Variants in TDRD3 observed in about 807,000 individuals in gnomAD.
TDRD3 encodes tudor domain-containing protein 3.
Under a neutral mutation model 86.7 loss-of-function variants are expected in TDRD3, and 45 were observed. The observed-to-expected ratio is 0.52, with a 90% CI of 0.41 to 0.67. The LOEUF is 0.67. Among genes scored for constraint, TDRD3 ranks in the 30% least tolerant of loss-of-function variants. The probability of loss-of-function intolerance (pLI) is 0.00; values close to 1 mark genes in which losing one functional copy is unlikely to be tolerated. For missense variants in TDRD3, 814 were observed against 889.0 expected (o/e 0.92, Z 1.07); for synonymous variants, 298 against 301.7 (o/e 0.99, Z 0.13).
chr13:60,471,039 G>A (rs1157444857), intron 5 of TDRD3, among the ~76,000 whole-genome samples: 2 of 152,090 alleles, frequency 1.3e-5, no homozygotes, highest in Non-Finnish European at 2.9e-5. Flanking sequence ...GTTATTGTAT[G>A]AGTTATGTAT....
intron 1 of TDRD3, among the ~76,000 whole-genome samples, chr13:60,420,087 AAGAT>A (rs1954617721): frequency 6.6e-6 from 1 of 152,080 alleles, no homozygotes; most frequent in Non-Finnish European, 1.5e-5. Context: ...ATAGACTTAG[AAGAT>A]AGATATCATT....
chr13:60,569,452 A>G (rs1206161308), intron 13 of TDRD3, among the ~76,000 whole-genome samples: 1 of 152,242 alleles, frequency 6.6e-6, no homozygotes, highest in Non-Finnish European at 1.5e-5. Context: ...AAGATACTCC[A>G]TGTTCATGGA....
intron 3 of TDRD3, among the ~76,000 whole-genome samples, chr13:60,450,884 G>C (rs1394100462): frequency 6.6e-6 from 1 of 152,132 alleles, no homozygotes; most frequent in African/African-American, 2.4e-5. Flanking sequence ...GATTTTCAAT[G>C]AAGGAATAGT....
At chr13:60,522,574 C>T (rs1193353265) in intron 10 of TDRD3, among the ~76,000 whole-genome samples, 1 of 152,164 alleles carries the variant, frequency 6.6e-6, no homozygotes, top group Non-Finnish European at 1.5e-5. Flanking sequence ...AAATATTTCA[C>T]CTAAGGTTAC....
intron 5 of TDRD3, among the ~76,000 whole-genome samples, chr13:60,481,549 T>C (rs1238567416): frequency 6.6e-6 from 1 of 152,066 alleles, no homozygotes; most frequent in Non-Finnish European, 1.5e-5. Flanking sequence ...GCCCATCCAA[T>C]GAGTTTTCAT....
intron 8 of TDRD3, among the ~76,000 whole-genome samples, chr13:60,497,874 A>G (rs1956751180): frequency 1.3e-5 from 2 of 152,104 alleles, no homozygotes; most frequent in Non-Finnish European, 2.9e-5. Flanking sequence ...ATGGGAATGT[A>G]TATTAAGGGT....
At chr13:60,477,399 G>C (rs971305995) in intron 5 of TDRD3, among the ~76,000 whole-genome samples, 2 of 151,914 alleles carry the variant, frequency 1.3e-5, no homozygotes, top group Non-Finnish European at 2.9e-5. Flanking sequence ...ATTTTTTATA[G>C]AGATGAGGTC....
At position 60,526,502 on chromosome 13, in the gene TDRD3, G is replaced by A. The variant is rs143752990; in HGVS notation, c.1142-1865G>A. Among the ~76,000 whole-genome samples the A allele has an allele frequency of 5.0e-3, 757 of 152,118 alleles. 3 individuals are homozygous for A. The highest frequency in any genetic ancestry group is 0.024 in the Middle Eastern group (7 of 292). On this transcript the variant is annotated intron_variant, in intron 10 of 13. Coordinates refer to ENST00000377881, the MANE Select transcript of TDRD3 (RefSeq NM_001146070.2). ...TACTCCTGGGCAGTAAACAATGCCA[G>A]CAGAAACTAAAAGTGACCATTTTTC...
At chr13:60,555,891 C>G (rs1958173204) in intron 12 of TDRD3, among the ~76,000 whole-genome samples, 1 of 147,898 alleles carries the variant, frequency 6.8e-6, no homozygotes, top group South Asian at 2.1e-4. Context: ...CGCTCTGTCG[C>G]CCAGGCTGGA....
chr13:60,448,353 C>T (rs1955456064), intron 3 of TDRD3, among the ~76,000 whole-genome samples: 1 of 152,114 alleles, frequency 6.6e-6, no homozygotes, highest in Admixed American at 6.6e-5. Context: ...TTGCTACTAT[C>T]ATTGATTATT....
chr13:60,518,866 C>A (rs2137711879), intron 10 of TDRD3, among the ~76,000 whole-genome samples: 1 of 152,182 alleles, frequency 6.6e-6, no homozygotes, highest in African/African-American at 2.4e-5. Context: ...TTCCTTTTAG[C>A]CCACAGTTTT....
At chr13:60,567,890 A>ATTTTTTT (rs58242240) in intron 13 of TDRD3, among the ~76,000 whole-genome samples, 2 of 132,934 alleles carry the variant, frequency 1.5e-5, no homozygotes, top group African/African-American at 2.8e-5. Context: ...TGCCCAGCTG[A>ATTTTTTT]TTTTTTTTTT....
chr13:60,567,513 CT>C lies in TDRD3; in HGVS notation c.2119-9del. On this transcript the variant is annotated splice_polypyrimidine_tract_variant and intron_variant, in intron 12 of 13. Transcript: ENST00000377881. ...ATTTTGAACATGTAAAATCACTACT[CT>C]TTGCAAATAGGAGGAAGAAGGCACC... 1.9e-6 allele frequency: 3 copies of C among 1,614,048 alleles called. No individual in the cohort carries two copies. Among genetic ancestry groups the C allele is most frequent in the Non-Finnish European group, 2.5e-6 (3 of 1,180,008 alleles).
At chr13:60,440,505 A>AC (rs1459161796) in intron 2 of TDRD3, among the ~76,000 whole-genome samples, 1 of 151,968 alleles carries the variant, frequency 6.6e-6, no homozygotes, top group African/African-American at 2.4e-5. Flanking sequence ...ATGTGGTGAA[A>AC]CCCCATCTCT....
At chr13:60,448,248 C>T (rs749845225) in intron 3 of TDRD3, among the ~76,000 whole-genome samples, 6 of 152,038 alleles carry the variant, frequency 3.9e-5, no homozygotes, top group Non-Finnish European at 7.4e-5. Flanking sequence ...ACCAGCTAAT[C>T]CTGGACATAT....
At chr13:60,512,744 G>T (rs1957086670) in intron 10 of TDRD3, among the ~76,000 whole-genome samples, 1 of 152,210 alleles carries the variant, frequency 6.6e-6, no homozygotes, top group African/African-American at 2.4e-5. Context: ...ACGGATGAAA[G>T]AGGAGAGCTC....
chr13:60,461,866 C>G (rs1452877898), intron 4 of TDRD3, among the ~76,000 whole-genome samples: 1 of 152,104 alleles, frequency 6.6e-6, no homozygotes. Flanking sequence ...ATAGCACATG[C>G]AGAGACACAG....
intron 8 of TDRD3, among the ~76,000 whole-genome samples, chr13:60,502,023 AGAGT>A (rs1956845679): frequency 6.6e-6 from 1 of 152,256 alleles, no homozygotes; most frequent in African/African-American, 2.4e-5. Flanking sequence ...TGCAAATAGT[AGAGT>A]GAGTATAGCA....
chr13:60,473,386 T>C (rs1006200181), intron 5 of TDRD3, among the ~76,000 whole-genome samples: 1 of 152,244 alleles, frequency 6.6e-6, no homozygotes, highest in Non-Finnish European at 1.5e-5. Flanking sequence ...AGTCAAATCA[T>C]AGCACTTCCT....
Sources: allele counts gnomAD v4.1 joint callset (sites outside exome capture counted in the v4.1 genomes callset), GRCh38; gene constraint gnomAD v4.1.1; transcripts MANE v1.5; gene names NCBI Gene and HGNC (gene_info 2026-07-23, HGNC 2026-07-21).